The following TMEM163 variants were observed in gnomAD, a reference collection of about 807,000 sequenced individuals.
TMEM163 encodes transmembrane protein 163.
Under a neutral mutation model 29.3 loss-of-function variants are expected in TMEM163, and 17 were observed. The ratio of observed to expected loss-of-function variants is 0.58; its 90% CI spans 0.40 to 0.87. The LOEUF is 0.87. Among genes scored for constraint, TMEM163 ranks in the 40% least tolerant of loss-of-function variants. The pLI, the probability that TMEM163 is intolerant of heterozygous loss-of-function variation, is 0.00. For synonymous variants in TMEM163, 157 were observed against 160.6 expected (o/e 0.98, Z 0.17); for missense variants, 303 against 381.5 (o/e 0.79, Z 1.71).
intron 5 of TMEM163, among the ~76,000 whole-genome samples, chr2:134,470,561 C>T (rs1686776785): frequency 6.6e-6 from 1 of 152,170 alleles, no homozygotes; most frequent in Non-Finnish European, 1.5e-5. Context: ...AATTACCTTT[C>T]CCTGTAGAGG....
chr2:134,570,826 A>G (rs1019422279), intron 2 of TMEM163, among the ~76,000 whole-genome samples: 1 of 152,198 alleles, frequency 6.6e-6, no homozygotes, highest in African/African-American at 2.4e-5. Flanking sequence ...GTAGAGAACC[A>G]GCCCAAGAAT....
At chr2:134,600,936 C>T (rs1028157809) in intron 2 of TMEM163, among the ~76,000 whole-genome samples, 14 of 152,148 alleles carry the variant, frequency 9.2e-5, no homozygotes, top group Non-Finnish European at 1.3e-4. Context: ...CCCACCATAT[C>T]CTGGGTGGCC....
In TMEM163 at chr2:134,550,567, T is replaced by C. The variant is rs1009181346; in HGVS notation, c.458+3A>G. On this transcript the variant is annotated splice_donor_region_variant and intron_variant, in intron 4 of 7. Transcript: ENST00000281924. Reference sequence around the variant, plus strand: ...GCCTGGAGAAAGACAAGAATCTACTTACATGTACTCCCTATGGGCAGAGTG... The same window carrying C: ...GCCTGGAGAAAGACAAGAATCTACTCACATGTACTCCCTATGGGCAGAGTG... 6.2e-7 allele frequency: 1 copy of C among 1,613,846 alleles called. No individual in the cohort carries two copies. The highest frequency in any genetic ancestry group is 1.3e-5 in the African/African-American group (1 of 74,910).
chr2:134,686,361 G>A (rs1261452811), intron 2 of TMEM163, among the ~76,000 whole-genome samples: 1 of 152,194 alleles, frequency 6.6e-6, no homozygotes, highest in Non-Finnish European at 1.5e-5. Context: ...ATGCAGCCTA[G>A]AGCCTAAAAA....
chr2:134,457,991 C>G (rs1290221724), intron 7 of TMEM163, 41 bp downstream of exon 7: 4 of 1,613,298 alleles, frequency 2.5e-6, no homozygotes, highest in Non-Finnish European at 2.5e-6. Context: ...AGGGACACTC[C>G]TAGCTGCCAG....
intron 2 of TMEM163, among the ~76,000 whole-genome samples, chr2:134,638,909 A>T (rs1574300424): frequency 6.6e-6 from 1 of 152,184 alleles, no homozygotes; most frequent in East Asian, 1.9e-4. Context: ...AGTGGCTGAA[A>T]ATGTGTCATG....
intron 2 of TMEM163, among the ~76,000 whole-genome samples, chr2:134,679,503 C>G (rs545921010): frequency 6.6e-6 from 1 of 152,312 alleles, no homozygotes; most frequent in East Asian, 1.9e-4. Flanking sequence ...TGAGAATTTA[C>G]ACTTAGAACA....
intron 2 of TMEM163, among the ~76,000 whole-genome samples, chr2:134,584,203 C>T (rs1321362516): frequency 6.6e-6 from 1 of 152,186 alleles, no homozygotes; most frequent in East Asian, 1.9e-4. Flanking sequence ...TAATTGATAT[C>T]CAAGTATAAT....
chr2:134,623,552 G>T (rs1682784681), intron 2 of TMEM163, among the ~76,000 whole-genome samples: 1 of 152,180 alleles, frequency 6.6e-6, no homozygotes, highest in Non-Finnish European at 1.5e-5. Context: ...CAGATCACAT[G>T]AGGTCGGGAG....
chr2:134,622,186 C>T (rs1173247713), intron 2 of TMEM163, among the ~76,000 whole-genome samples: 1 of 152,080 alleles, frequency 6.6e-6, no homozygotes, highest in African/African-American at 2.4e-5. Flanking sequence ...AAGTGGACAT[C>T]CGGGAGATTT....
intron 4 of TMEM163, among the ~76,000 whole-genome samples, chr2:134,509,022 C>A (rs1215967690): frequency 6.6e-6 from 1 of 152,186 alleles, no homozygotes; most frequent in Non-Finnish European, 1.5e-5. Context: ...CAGAACCCAA[C>A]CAACTGAAAT....
At chr2:134,536,862 T>C (rs544405021) in intron 4 of TMEM163, among the ~76,000 whole-genome samples, 104 of 152,254 alleles carry the variant, frequency 6.8e-4, no homozygotes, top group Non-Finnish European at 1.2e-3. Flanking sequence ...GTCTAGGGCC[T>C]ACAGGCACTT....
chr2:134,466,475 G>A (rs1414237421), intron 5 of TMEM163: 4 of 436,632 alleles, frequency 9.2e-6, no homozygotes, highest in East Asian at 9.0e-5. Flanking sequence ...TCCTGTAGGA[G>A]ATTGACCTCC....
At chr2:134,628,994 T>C (rs1002697831) in intron 2 of TMEM163, among the ~76,000 whole-genome samples, 23 of 152,238 alleles carry the variant, frequency 1.5e-4, no homozygotes, top group African/African-American at 4.1e-4. Context: ...GCCTACGATA[T>C]ACTGTTAGAT....
chr2:134,473,121 A>T (rs1414773954), intron 5 of TMEM163, among the ~76,000 whole-genome samples: 1 of 152,250 alleles, frequency 6.6e-6, no homozygotes, highest in Non-Finnish European at 1.5e-5. Context: ...TAATGTACTT[A>T]AAAATGTTTA....
intron 5 of TMEM163, among the ~76,000 whole-genome samples, chr2:134,500,836 G>A (rs981586660): frequency 6.6e-6 from 1 of 152,116 alleles, no homozygotes; most frequent in Non-Finnish European, 1.5e-5. Flanking sequence ...GGAGGGGGAA[G>A]GGAGGGACTT....
At chr2:134,603,949 G>A (rs1682293957) in intron 2 of TMEM163, among the ~76,000 whole-genome samples, 1 of 152,028 alleles carries the variant, frequency 6.6e-6, no homozygotes, top group Admixed American at 6.6e-5. Flanking sequence ...TTTGGACACT[G>A]CAGTTAGTCT....
In TMEM163 at chr2:134,502,923, G is replaced by C. The variant is rs1364471744; in HGVS notation, c.533C>G (p.Ser178Ter). 1 of 1,613,836 alleles carries C rather than the reference G, an allele frequency of 6.2e-7. No individual in the cohort carries two copies. Among genetic ancestry groups the C allele is most frequent in the Non-Finnish European group, 8.5e-7 (1 of 1,179,880 alleles). ...TACCACTTCTGGGAGCAGCCTAGTT[G>C]AGAGGTCATGGATGGCTTTGACCAC... ...CIVVKAIHDL[S>*]TRLLPEVDDF... The change falls in exon 5 of 8, where the codon TCA becomes TGA. Residue 178 changes from serine to a stop codon, truncating the protein, a stop_gained. Transcript: ENST00000281924. LOFTEE classifies it high-confidence loss of function.
intron 5 of TMEM163, among the ~76,000 whole-genome samples, chr2:134,473,502 T>C (rs1445319604): frequency 1.3e-5 from 2 of 148,534 alleles, no homozygotes; most frequent in Non-Finnish European, 3.0e-5. Context: ...ACCATTGCAC[T>C]CTAGCCTGTG....
Sources: allele counts gnomAD v4.1 joint callset (sites outside exome capture counted in the v4.1 genomes callset), GRCh38; gene constraint gnomAD v4.1.1; transcripts MANE v1.5; gene names NCBI Gene and HGNC (gene_info 2026-07-23, HGNC 2026-07-21).